The following HTT variants were observed in gnomAD, a reference collection of about 807,000 sequenced individuals.
HTT encodes huntington disease protein.
Under a neutral mutation model 362.3 loss-of-function variants are expected in HTT, and 104 were observed. That is an observed-to-expected ratio of 0.29 (90% CI 0.24 to 0.34). HTT has a LOEUF of 0.34. HTT is among the 10% of genes least tolerant of loss of function. HTT has a pLI of 1.00. For synonymous variants in HTT, 1,577 were observed against 1,548.7 expected (o/e 1.02, Z -0.43); for missense variants, 3,301 against 3,928.6 (o/e 0.84, Z 4.27).
chr4:3,226,603 G>T (rs545820534), intron 57 of HTT, among the ~76,000 whole-genome samples: 2 of 152,398 alleles, frequency 1.3e-5, no homozygotes, highest in East Asian at 3.9e-4. Context: ...CCCCGGTGCT[G>T]TGTCTTTCGC....
chr4:3,222,089 C>G (rs1720700111), intron 53 of HTT, among the ~76,000 whole-genome samples: 1 of 152,260 alleles, frequency 6.6e-6, no homozygotes, highest in African/African-American at 2.4e-5. Flanking sequence ...CGTCCCTGCC[C>G]TGTCCCTGTG....
At position 3,157,235 on chromosome 4, in the gene HTT, A is replaced by T; in HGVS notation, c.3753+36A>T. On this transcript the variant is annotated intron_variant, in intron 28 of 66. Coordinates refer to ENST00000355072, the MANE Select transcript of HTT (RefSeq NM_001388492.1). ...CTGCATCTTTTAAAAATATATATGC[A>T]CACATACTTACGTCTAATGGATAGT... is the stretch of plus-strand genomic sequence containing the variant. 2 of 1,578,544 alleles carry T rather than the reference A, an allele frequency of 1.3e-6. 1 individual carries two copies. Among genetic ancestry groups the T allele is most frequent in the Middle Eastern group, 3.3e-4 (2 of 5,988 alleles).
intron 6 of HTT, among the ~76,000 whole-genome samples, chr4:3,113,648 G>A (rs997188503): frequency 2.0e-5 from 3 of 152,118 alleles, no homozygotes; most frequent in African/African-American, 7.2e-5. Context: ...TTTTTAAGAT[G>A]TTAGTATCTT....
chr4:3,239,087 C>G (rs535264902), intron 66 of HTT, 109 bp downstream of exon 66: 2 of 1,163,446 alleles, frequency 1.7e-6, no homozygotes, highest in Admixed American at 4.9e-5. Context: ...CCCACAGATG[C>G]CAGGGTGACA....
chr4:3,125,693 C>A (rs976174019), intron 11 of HTT, 64 bp downstream of exon 11: 3 of 1,183,998 alleles, frequency 2.5e-6, no homozygotes, highest in African/African-American at 3.0e-5. Flanking sequence ...CCTTGCCCTT[C>A]CTGCTCGTCC....
At chr4:3,075,648 A>AGGGGGGGGGGGGG (rs368641776) in intron 1 of HTT, among the ~76,000 whole-genome samples, 1 of 54,364 alleles carries the variant, frequency 1.8e-5, no homozygotes, top group Non-Finnish European at 4.0e-5. Context: ...GTGGCGGGGC[A>AGGGGGGGGGGGGG]GGGGGGGGGC....
At chr4:3,205,949 C>T (rs1478334183) in intron 42 of HTT, among the ~76,000 whole-genome samples, 2 of 152,074 alleles carry the variant, frequency 1.3e-5, no homozygotes, top group Admixed American at 1.3e-4. Flanking sequence ...TAAATATCTA[C>T]ACTTAAGATT....
At position 3,208,602 on chromosome 4, in the gene HTT, G is replaced by A. The variant is rs139861767; in HGVS notation, c.6153-171G>A. On this transcript the variant is annotated intron_variant, in intron 45 of 66. Coordinates refer to ENST00000355072, the MANE Select transcript of HTT (RefSeq NM_001388492.1). ...TGACCTGTTTGAGTATTGATGAGAA[G>A]ATAGCTGTGAAGAAAAAGGTTTAAA... Among the ~76,000 whole-genome samples, 255 of 152,046 alleles carry A rather than the reference G, an allele frequency of 1.7e-3. 2 individuals carry two copies. Among genetic ancestry groups the A allele is most frequent in the Admixed American group, 2.9e-3 (45 of 15,276 alleles).
At chr4:3,207,031 AG>A (rs769718743) in intron 44 of HTT, 48 bp downstream of exon 44, 1 of 1,539,174 alleles carries the variant, frequency 6.5e-7, no homozygotes, top group Non-Finnish European at 8.8e-7. Flanking sequence ...AAAATTTAGC[AG>A]GCCAAGCAAA....
intron 41 of HTT, 85 bp downstream of exon 41, chr4:3,200,024 T>C: frequency 9.0e-7 from 1 of 1,105,270 alleles, no homozygotes; most frequent in Non-Finnish European, 1.3e-6. Flanking sequence ...TGGCCACCGT[T>C]AAAGCATTTT....
intron 51 of HTT, among the ~76,000 whole-genome samples, chr4:3,217,525 C>T (rs1479560005): frequency 6.6e-6 from 1 of 152,000 alleles, no homozygotes; most frequent in East Asian, 1.9e-4. Flanking sequence ...GGCCAGAGGG[C>T]TGGGAACCAA....
rs536961987 is a variant in HTT, at chr4:3,212,271, A to G, written c.6628+129A>G. ...TGAAAGCGTTTACAGAGGTAGCTAA[A>G]GAGCAGCACGGGTGTCCTCGGCTCA... On this transcript the variant is annotated intron_variant, in intron 48 of 66. Transcript: ENST00000355072. 79 of 778,088 alleles carry G rather than the reference A, an allele frequency of 1.0e-4. No individual in the cohort carries two copies. In the African/African-American group the frequency reaches 1.3e-3, roughly 13 times the overall value. The allele number at this position is 778,088 out of a possible 1,614,324, so 48.2% of individuals were successfully genotyped here.
Position 3,188,967 on chromosome 4 carries a change from G to A in HTT, c.5242G>A (p.Val1748Ile). Residue 1748 changes from valine (V) to isoleucine (I), a missense_variant, in exon 40 of 67, where the codon GTT becomes ATT. Physicochemically the swap from Val to Ile is conservative, Grantham distance 29. This residue lies in a region of HTT where 2,316 missense variants were observed against 2,658.5 expected (regional missense o/e 0.87). Transcript: ENST00000355072. ...TCTTGGAAGGTTTCTATTACAACTG[G>A]TTGGTATTCTTTTAGAAGACATTGT... Reference protein sequence around the residue: ...ETFSRFLLQLVGILLEDIVTK... With the variant: ...ETFSRFLLQLIGILLEDIVTK... 1 of 1,614,008 alleles carries A rather than the reference G, an allele frequency of 6.2e-7. No homozygotes were observed. The highest frequency in any genetic ancestry group is 8.5e-7 in the Non-Finnish European group (1 of 1,179,932).
intron 6 of HTT, among the ~76,000 whole-genome samples, chr4:3,111,269 C>CTT (rs1714734677): frequency 6.6e-6 from 1 of 151,286 alleles, no homozygotes; most frequent in African/African-American, 2.4e-5. Context: ...TTTTGGCTCA[C>CTT]TTAAGCCTCT....
chr4:3,220,137 T>G, intron 52 of HTT, 45 bp from the exon 53 acceptor site: 1 of 1,612,194 alleles, frequency 6.2e-7, no homozygotes, highest in Non-Finnish European at 8.5e-7. Flanking sequence ...AGTATGTCTG[T>G]CCTGACTCAA....
intron 50 of HTT, among the ~76,000 whole-genome samples, chr4:3,214,594 C>T (rs911022392): frequency 6.6e-6 from 1 of 152,172 alleles, no homozygotes; most frequent in African/African-American, 2.4e-5. Context: ...GTATCCTCAA[C>T]AAGGGTCATT....
chr4:3,230,142 C>A, intron 60 of HTT, 100 bp downstream of exon 60: 2 of 1,021,944 alleles, frequency 2.0e-6, no homozygotes, highest in Admixed American at 1.8e-5. Flanking sequence ...CGGCTGCCTC[C>A]TTCCAAGAGT....
intron 12 of HTT, among the ~76,000 whole-genome samples, chr4:3,128,176 A>G (rs753316862): frequency 2.0e-5 from 3 of 151,896 alleles, no homozygotes; most frequent in Non-Finnish European, 4.4e-5. Context: ...TAGATGATCC[A>G]CCCACCTTGG....
chr4:3,192,804 T>C (rs1270809264), intron 40 of HTT, among the ~76,000 whole-genome samples: 1 of 152,228 alleles, frequency 6.6e-6, no homozygotes, highest in Non-Finnish European at 1.5e-5. Flanking sequence ...TGCATACATA[T>C]CTTAGAGTAA....
Sources: allele counts gnomAD v4.1 joint callset (sites outside exome capture counted in the v4.1 genomes callset), GRCh38; gene constraint gnomAD v4.1.1; regional missense constraint gnomAD v4.1.1; transcripts MANE v1.5; gene names NCBI Gene and HGNC (gene_info 2026-07-23, HGNC 2026-07-21).